CD200R1: variants seen among roughly 807,000 people sequenced by gnomAD.
The protein encoded by CD200R1 is CD200 receptor 1.
CD200R1 carries 30 observed loss-of-function variants against 38.1 expected under a neutral mutation model. The ratio of observed to expected loss-of-function variants is 0.79; its 90% CI spans 0.59 to 1.07. The LOEUF (loss-of-function observed/expected upper bound fraction) is 1.07, where lower values mean the gene tolerates loss of function less well. CD200R1 is among the 50% of genes least tolerant of loss of function. CD200R1 has a pLI of 0.00. For synonymous variants in CD200R1, 128 were observed against 152.1 expected, an observed-to-expected ratio of 0.84 and a Z score of 1.16; for missense variants, 372 against 415.4, an observed-to-expected ratio of 0.90 and a Z score of 0.91.
intron 2 of CD200R1, among the ~76,000 whole-genome samples, chr3:112,942,920 A>G (rs1940760240): frequency 6.6e-6 from 1 of 151,728 alleles, no homozygotes; most frequent in African/African-American, 2.4e-5. Context: ...TCAATTCTCC[A>G]AAAAGAAATA....
intron 1 of CD200R1, among the ~76,000 whole-genome samples, chr3:112,967,949 A>G (rs1311819244): frequency 6.6e-6 from 1 of 152,230 alleles, no homozygotes; most frequent in Non-Finnish European, 1.5e-5. Flanking sequence ...TTTAATTTGA[A>G]GGTTCCTAAA....
At chr3:112,950,630 A>C (rs1940954590) in intron 1 of CD200R1, among the ~76,000 whole-genome samples, 1 of 152,200 alleles carries the variant, frequency 6.6e-6, no homozygotes, top group African/African-American at 2.4e-5. Flanking sequence ...CATTCTTTGC[A>C]AGTGCACATC....
intron 2 of CD200R1, among the ~76,000 whole-genome samples, chr3:112,942,422 T>C (rs542716059): frequency 6.6e-6 from 1 of 151,638 alleles, no homozygotes; most frequent in Non-Finnish European, 1.5e-5. Context: ...AAATGTATAT[T>C]GCAAGCTCAA....
chr3:112,966,225 T>C (rs571593581), intron 1 of CD200R1, among the ~76,000 whole-genome samples: 1 of 152,194 alleles, frequency 6.6e-6, no homozygotes, highest in Non-Finnish European at 1.5e-5. Context: ...AGAGCAGTGT[T>C]CTGAACCCTG....
At position 112,921,522 on chromosome 3, in the gene CD200R1, GA is replaced by G. The variant is rs2107296505; in HGVS notation, c.*2154del. The G allele has an allele frequency of 6.6e-6, 1 of 152,030 alleles. No individual in the cohort carries two copies. Among genetic ancestry groups the G allele is most frequent in the African/African-American group, 2.4e-5 (1 of 41,502 alleles). The allele number at this position is 152,030 out of a possible 1,614,324, so 9.4% of individuals were successfully genotyped here. On this transcript the variant is annotated 3_prime_UTR_variant, in exon 8 of 8. Transcript: ENST00000308611. ...GAAAAGATACAAAATGGGATGGGGA[GA>G]AAGCACAGTAAATGAGACATATAAA...
chr3:112,950,145 G>T (rs1940945117), intron 1 of CD200R1, among the ~76,000 whole-genome samples: 1 of 152,190 alleles, frequency 6.6e-6, no homozygotes, highest in Admixed American at 6.5e-5. Context: ...ATACACTGTT[G>T]GGTGAGGTTG....
At chr3:112,931,839 G>A (rs1161108167) in intron 2 of CD200R1, among the ~76,000 whole-genome samples, 3 of 152,030 alleles carry the variant, frequency 2.0e-5, no homozygotes, top group Non-Finnish European at 4.4e-5. Flanking sequence ...AAGTAGTGGA[G>A]AGGAGCTCGT....
Position 112,964,363 on chromosome 3 carries a change from G to A in CD200R1, c.67+10428C>T, listed in dbSNP as rs1183583998. ...AGACACTCAATGCCAGCTCATGAAA[G>A]CAGCCAGGAGGGTGGCTGTACCCTG... On this transcript the variant is annotated intron_variant, in intron 1 of 7. Transcript: ENST00000308611. Among the ~76,000 whole-genome samples the A allele has an allele frequency of 3.3e-5, 5 of 152,218 alleles. No individual in the cohort carries two copies. In the South Asian group the frequency reaches 8.3e-4, roughly 25 times the overall value.
At chr3:112,973,944 C>T (rs910994001) in intron 1 of CD200R1, among the ~76,000 whole-genome samples, 10 of 152,104 alleles carry the variant, frequency 6.6e-5, no homozygotes, top group African/African-American at 1.7e-4. Flanking sequence ...TTCTCTAACT[C>T]GTAGTGTCTC....
At chr3:112,927,664 C>A (rs1322464685) in intron 5 of CD200R1, among the ~76,000 whole-genome samples, 2 of 152,096 alleles carry the variant, frequency 1.3e-5, no homozygotes, top group African/African-American at 2.4e-5. Flanking sequence ...AGGACAATAG[C>A]TGTACAGCAG....
chr3:112,929,531 A>G (rs968473606), intron 3 of CD200R1, 24 bp from the exon 4 acceptor site: 2 of 1,571,886 alleles, frequency 1.3e-6, no homozygotes, highest in Non-Finnish European at 1.7e-6. Flanking sequence ...GAGAATGATA[A>G]AAGAAAAGCT....
chr3:112,941,945 G>A (rs569257417), intron 2 of CD200R1, among the ~76,000 whole-genome samples: 60 of 151,624 alleles, frequency 4.0e-4, no homozygotes, highest in Non-Finnish European at 7.7e-4. Context: ...TTGAGGTGTT[G>A]AGGGAAAAAA....
chr3:112,969,541 C>A (rs1044818157), intron 1 of CD200R1, among the ~76,000 whole-genome samples: 3 of 152,194 alleles, frequency 2.0e-5, no homozygotes, highest in African/African-American at 7.2e-5. Context: ...AACAGACAGT[C>A]TTCAGTTTTC....
chr3:112,956,968 G>A (rs1185404489), intron 1 of CD200R1, among the ~76,000 whole-genome samples: 1 of 152,174 alleles, frequency 6.6e-6, no homozygotes, highest in Non-Finnish European at 1.5e-5. Flanking sequence ...GCTGGGGTGA[G>A]TCTGATGTCC....
At chr3:112,966,474 G>C (rs560515320) in intron 1 of CD200R1, among the ~76,000 whole-genome samples, 1 of 152,150 alleles carries the variant, frequency 6.6e-6, no homozygotes, top group South Asian at 2.1e-4. Context: ...TTTATTATTG[G>C]GGATCTGTAA....
chr3:112,945,965 GGAGC>G (rs1559951012), intron 2 of CD200R1, among the ~76,000 whole-genome samples: 1 of 147,846 alleles, frequency 6.8e-6, no homozygotes, highest in African/African-American at 2.5e-5. Flanking sequence ...CCCGGGAGGC[GGAGC>G]TTGCAGTGAG....
At chr3:112,948,708 C>A (rs1940916485) in intron 1 of CD200R1, among the ~76,000 whole-genome samples, 2 of 152,100 alleles carry the variant, frequency 1.3e-5, no homozygotes, top group Admixed American at 6.5e-5. Flanking sequence ...GGGTTGGGGA[C>A]CCGTGATATA....
chr3:112,932,561 C>T (rs558308156), intron 2 of CD200R1, among the ~76,000 whole-genome samples: 1 of 152,010 alleles, frequency 6.6e-6, no homozygotes, highest in Non-Finnish European at 1.5e-5. Context: ...TCCCCAGCAG[C>T]CCCATGCCCT....
At chr3:112,946,768 A>G (rs1032407741) in intron 2 of CD200R1, among the ~76,000 whole-genome samples, 3 of 152,214 alleles carry the variant, frequency 2.0e-5, no homozygotes, top group Non-Finnish European at 2.9e-5. Context: ...ATGCAATCCA[A>G]CAATCATGCT....
Sources: gnomAD v4.1 joint callset for allele counts (sites outside exome capture counted in the v4.1 genomes callset) on GRCh38, gnomAD v4.1.1 for gene constraint, MANE v1.5 for transcripts, NCBI Gene and HGNC (gene_info 2026-07-23, HGNC 2026-07-21) for gene names.